Variants in ITIH2 observed in about 807,000 individuals in gnomAD.
ITIH2 encodes the protein inter-alpha-trypsin inhibitor heavy chain 2.
ITIH2 carries 103 observed loss-of-function variants against 104.4 expected under a neutral mutation model. That is an observed-to-expected ratio of 0.99 (90% CI 0.84 to 1.16). The LOEUF (loss-of-function observed/expected upper bound fraction) is 1.16. Among genes scored for constraint, ITIH2 ranks in the 50% most tolerant of loss-of-function variants. The pLI is 0.00. For missense variants in ITIH2, 1,108 were observed against 1,162.4 expected, an observed-to-expected ratio of 0.95 and a Z score of 0.68; for synonymous variants, 436 against 435.4, an observed-to-expected ratio of 1.00 and a Z score of -0.02.
At chr10:7,715,339 T>C (rs1834837459) in intron 5 of ITIH2, among the ~76,000 whole-genome samples, 1 of 152,020 alleles carries the variant, frequency 6.6e-6, no homozygotes. Context: ...GGGAATTGCT[T>C]GAACCAGGGA....
At chr10:7,749,151 A>G (rs1237491979) in intron 20 of ITIH2, 36 bp from the exon 21 acceptor site, 1 of 1,608,420 alleles carries the variant, frequency 6.2e-7, no homozygotes, top group Non-Finnish European at 8.5e-7. Context: ...AGAGGTGCTC[A>G]GTCTCCCCCT....
intron 18 of ITIH2, 145 bp from the exon 19 acceptor site, chr10:7,744,646 A>T: frequency 4.4e-6 from 3 of 684,666 alleles, no homozygotes; most frequent in Non-Finnish European, 7.3e-6. Context: ...TTAATCCATC[A>T]TTTATCTATA....
rs377214728 is a variant in ITIH2, at chr10:7,729,954, G to A, written c.1282G>A (p.Glu428Lys). Reference protein sequence around the residue: ...LVSDGDPTVGELKLSKIQKNV... With the variant: ...LVSDGDPTVGKLKLSKIQKNV... Reference sequence around the variant, plus strand: ...CTTTCGGACATCACCAACTTTAGGCGAACTAAAACTGTCAAAAATTCAGAA... The same window carrying A: ...CTTTCGGACATCACCAACTTTAGGCAAACTAAAACTGTCAAAAATTCAGAA... Residue 428 changes from glutamate to lysine, a missense_variant and splice_region_variant, in exon 12 of 21, where the codon GAA (glutamate) becomes AAA (lysine). By Grantham distance (56) the Glu-to-Lys change is moderately conservative (BLOSUM62 1). Transcript: ENST00000358415. 1.7e-5 allele frequency: 27 copies of A among 1,589,716 alleles called. No homozygotes were observed. The highest frequency in any genetic ancestry group is 1.7e-4 in the Middle Eastern group (1 of 5,948).
At chr10:7,748,936 G>A (rs986741289) in intron 20 of ITIH2, among the ~76,000 whole-genome samples, 2 of 151,978 alleles carry the variant, frequency 1.3e-5, no homozygotes, top group African/African-American at 4.8e-5. Flanking sequence ...TGTTTCCCTC[G>A]CTGGAAAAGC....
Position 7,717,768 on chromosome 10 carries a change from C to A in ITIH2, c.610C>A (p.Arg204=). 1.9e-6 allele frequency: 3 copies of A among 1,610,926 alleles called. No homozygotes were observed. The highest frequency in any genetic ancestry group is 2.5e-6 in the Non-Finnish European group (3 of 1,178,724). The change falls in exon 6 of 21, where the codon CGG becomes AGG. Residue 204 remains arginine, a synonymous_variant. Coordinates refer to ENST00000358415, the MANE Select transcript of ITIH2 (RefSeq NM_002216.3). ...GCACAGGATCTATCTGCAACCTGGA[C>A]GGCTGGCCAAACACTTAGAGGTAAG... The part of the protein sequence containing the change: ...YEHRIYLQPG[R]LAKHLEVDVW...
intron 17 of ITIH2, 134 bp from the exon 18 acceptor site, chr10:7,743,948 G>A (rs1188294560): frequency 5.9e-6 from 3 of 507,436 alleles, no homozygotes; most frequent in South Asian, 8.0e-5. Context: ...AGAAGAAAAT[G>A]TTAATGTAAA....
At chr10:7,707,576 T>A (rs1366939233) in intron 3 of ITIH2, among the ~76,000 whole-genome samples, 1 of 152,200 alleles carries the variant, frequency 6.6e-6, no homozygotes, top group African/African-American at 2.4e-5. Context: ...TTTATTTTTA[T>A]TTTTTTGAGA....
chr10:7,726,720 G>A (rs1834953915), intron 9 of ITIH2, among the ~76,000 whole-genome samples: 1 of 152,182 alleles, frequency 6.6e-6, no homozygotes, highest in African/African-American at 2.4e-5. Flanking sequence ...TAGTCAAACT[G>A]GTTGTGCATA....
rs143731868 is a variant in ITIH2, at chr10:7,749,277, C to T, written c.2784C>T (p.Asp928=). Residue 928 remains aspartate, a synonymous_variant, in exon 21 of 21, where the codon GAC becomes GAT. Coordinates refer to ENST00000358415, the MANE Select transcript of ITIH2 (RefSeq NM_002216.3). ...ACAACAGTGGAAAAGGATTCATTGACGGGCATTACAAGGATTACTTCGTGC... is the reference window on the plus strand; with the variant it reads ...ACAACAGTGGAAAAGGATTCATTGATGGGCATTACAAGGATTACTTCGTGC... ...FVHNSGKGFI[D]GHYKDYFVPQ... is the part of the protein sequence containing the mutation. 2.1e-4 allele frequency: 336 copies of T among 1,614,048 alleles called. 3 individuals are homozygous for T. In the African/African-American group the frequency reaches 3.4e-3, roughly 16 times the overall value.
chr10:7,737,770 TAA>T lies in ITIH2; in HGVS notation c.1958-850_1958-849del, dbSNP rs1564305794. On this transcript the variant is annotated intron_variant, in intron 15 of 20. Transcript: ENST00000358415. Reference sequence around the variant, plus strand: ...ATAATATTCTATATTATATTCTATATAATATTCTATATTATATTCTATATAAT... The same window carrying T: ...ATAATATTCTATATTATATTCTATATTATTCTATATTATATTCTATATAAT... 2.8e-4 allele frequency among the ~76,000 whole-genome samples: 5 copies of T among 17,622 alleles called. 2 individuals are homozygous for T. 11.6% of individuals were successfully genotyped at this position (17,622 alleles called of 152,430 possible).
intron 18 of ITIH2, 73 bp from the exon 19 acceptor site, chr10:7,744,718 A>T (rs1410132802): frequency 2.4e-6 from 3 of 1,266,656 alleles, no homozygotes; most frequent in Non-Finnish European, 3.3e-6. Flanking sequence ...AGTTCATATT[A>T]GGGGTGAGAA....
rs1480802072 is a variant in ITIH2, at chr10:7,746,651, T to C, written c.2640T>C (p.Pro880=). 2 of 1,613,922 alleles carry C rather than the reference T, an allele frequency of 1.2e-6. No individual in the cohort carries two copies. Residue 880 remains proline, a synonymous_variant, in exon 20 of 21, where the codon CCT becomes CCC. Transcript: ENST00000358415. ...TCAATGAGAGACCAGGAAAGGACCCTGAGAAGCCAGAGGCCAGCATGGAAG... is the reference window on the plus strand; with the variant it reads ...TCAATGAGAGACCAGGAAAGGACCCCGAGAAGCCAGAGGCCAGCATGGAAG... ...HIFNERPGKD[P]EKPEASMEVK...
At chr10:7,743,987 AAT>A (rs1835151481) in intron 17 of ITIH2, 93 bp from the exon 18 acceptor site, 1 of 809,122 alleles carries the variant, frequency 1.2e-6, no homozygotes, top group Admixed American at 3.3e-5. Flanking sequence ...ATAATTTTCC[AAT>A]ATTGCCAAGT....
intron 16 of ITIH2, among the ~76,000 whole-genome samples, chr10:7,742,490 C>A (rs1835136661): frequency 6.6e-6 from 1 of 152,084 alleles, no homozygotes; most frequent in African/African-American, 2.4e-5. Flanking sequence ...CCTTTAATCC[C>A]AGGACTTTGA....
At chr10:7,724,467 G>T (rs988901950) in intron 9 of ITIH2, among the ~76,000 whole-genome samples, 1 of 149,054 alleles carries the variant, frequency 6.7e-6, no homozygotes, top group Non-Finnish European at 1.5e-5. Flanking sequence ...CTACTCGGGA[G>T]GCTGAGGCAG....
rs796974417 is a variant in ITIH2, at chr10:7,709,112, G to T, written c.283G>T (p.Val95Leu). Residue 95 changes from valine to leucine, a missense_variant, in exon 4 of 21, where the codon GTG becomes TTG. Physicochemically the swap from Val to Leu is conservative, Grantham distance 32 (BLOSUM62 1). Transcript: ENST00000358415. The part of the protein sequence containing the change: ...MATTMIQSKV[V>L]NNSPQPQNVV... Reference sequence around the variant, plus strand: ...CACCACCATGATCCAGAGCAAAGTGGTGAACAATTCCCCGCAGCCTCAGAA... The same window carrying T: ...CACCACCATGATCCAGAGCAAAGTGTTGAACAATTCCCCGCAGCCTCAGAA... 2 of 1,614,068 alleles carry T rather than the reference G, an allele frequency of 1.2e-6. No individual in the cohort carries two copies. The highest frequency in any genetic ancestry group is 1.7e-6 in the Non-Finnish European group (2 of 1,180,008).
At chr10:7,723,925 A>C (rs1389373972) in intron 9 of ITIH2, among the ~76,000 whole-genome samples, 1 of 152,174 alleles carries the variant, frequency 6.6e-6, no homozygotes, top group African/African-American at 2.4e-5. Flanking sequence ...TCTTCTTTCA[A>C]GGATCAGTCA....
chr10:7,705,700 T>TAAA (rs34935493), intron 2 of ITIH2, among the ~76,000 whole-genome samples: 63 of 131,840 alleles, frequency 4.8e-4, no homozygotes, highest in Middle Eastern at 7.7e-3. Context: ...CCACTCCATT[T>TAAA]AAAAAAAAAA....
intron 15 of ITIH2, among the ~76,000 whole-genome samples, chr10:7,735,782 C>T (rs1835050264): frequency 6.6e-6 from 1 of 151,376 alleles, no homozygotes; most frequent in Non-Finnish European, 1.5e-5. Context: ...AAGCAATTCT[C>T]CTGCTTCAGC....
Sources: allele counts gnomAD v4.1 joint callset (sites outside exome capture counted in the v4.1 genomes callset), GRCh38; gene constraint gnomAD v4.1.1; transcripts MANE v1.5; gene names NCBI Gene and HGNC (gene_info 2026-07-23, HGNC 2026-07-21).